MTAP: variants seen among roughly 807,000 people sequenced by gnomAD.
The protein encoded by MTAP is S-methyl-5'-thioadenosine phosphorylase.
MTAP carries 33 observed loss-of-function variants against 33.6 expected under a neutral mutation model. The observed-to-expected ratio is 0.98, with a 90% CI of 0.74 to 1.31. The LOEUF (loss-of-function observed/expected upper bound fraction) is 1.31. Ranked by LOEUF, MTAP falls within the 40% of genes most tolerant of loss-of-function variation. MTAP has a pLI of 0.00. For synonymous variants in MTAP, 148 were observed against 125.7 expected (o/e 1.18, Z -1.19); for missense variants, 367 against 360.0 (o/e 1.02, Z -0.16).
chr9:21,805,475 G>GT lies in MTAP; in HGVS notation c.33+2695dup, dbSNP rs1824185707. Among the ~76,000 whole-genome samples, 9 of 152,354 alleles carry GT rather than the reference G, an allele frequency of 5.9e-5. No homozygotes were observed. The South Asian group carries it at 1.4e-3, about 25-fold the overall frequency. On this transcript the variant is annotated intron_variant, in intron 1 of 7. Transcript: ENST00000644715. ...CAACTGACATGAAAGTGAAACAGCAGTAAGATTCCATTGGGTGAGGGGTGT... is the reference window on the plus strand; with the variant it reads ...CAACTGACATGAAAGTGAAACAGCAGTTAAGATTCCATTGGGTGAGGGGTGT...
At chr9:21,875,032 A>G (rs925857310) in intron 1 of MTAP, among the ~76,000 whole-genome samples, 5 of 152,152 alleles carry the variant, frequency 3.3e-5, no homozygotes, top group African/African-American at 1.2e-4. Context: ...GCTGCATGGT[A>G]TTCCATGGTG....
chr9:21,840,089 G>T (rs572970166), intron 5 of MTAP, among the ~76,000 whole-genome samples: 1 of 152,222 alleles, frequency 6.6e-6, no homozygotes, highest in East Asian at 1.9e-4. Flanking sequence ...AGCCAGGCAT[G>T]GTGGCAGGCA....
At chr9:21,889,901 A>G (rs976278696) in intron 1 of MTAP, among the ~76,000 whole-genome samples, 6 of 152,198 alleles carry the variant, frequency 3.9e-5, no homozygotes, top group African/African-American at 1.4e-4. Flanking sequence ...ACCTTTAGCC[A>G]GAAGGTGGCT....
At position 21,802,862 on chromosome 9, in the gene MTAP, G is replaced by C. The variant is rs751896371; in HGVS notation, c.33+81G>C. On this transcript the variant is annotated intron_variant, in intron 1 of 7. Coordinates refer to ENST00000644715, the MANE Select transcript of MTAP (RefSeq NM_002451.4). ...CCGCGCCGGGGGACCGCGCCTCCGG[G>C]GGCCATGCGCCCGGCCCGTGCGTCC... 3.2e-6 allele frequency: 5 copies of C among 1,573,198 alleles called. No homozygotes were observed. In the African/African-American group the frequency reaches 4.1e-5, roughly 13 times the overall value.
intron 1 of MTAP, among the ~76,000 whole-genome samples, chr9:21,882,350 A>G (rs898571106): frequency 6.6e-6 from 1 of 152,046 alleles, no homozygotes; most frequent in African/African-American, 2.4e-5. Context: ...GTTTTGCTAC[A>G]ACCTTTAAAA....
intron 4 of MTAP, among the ~76,000 whole-genome samples, chr9:21,824,716 A>T (rs1824741706): frequency 6.6e-6 from 1 of 152,194 alleles, no homozygotes; most frequent in Non-Finnish European, 1.5e-5. Flanking sequence ...CTACAGAGGC[A>T]GGCAGGCCTC....
intron 6 of MTAP, among the ~76,000 whole-genome samples, chr9:21,858,068 A>G (rs1461119776): frequency 2.0e-5 from 3 of 152,182 alleles, no homozygotes; most frequent in Non-Finnish European, 2.9e-5. Context: ...TCGGTTTGTG[A>G]TGTTAGCAGC....
At chr9:21,879,308 C>G (rs546472376) in intron 1 of MTAP, among the ~76,000 whole-genome samples, 1 of 151,952 alleles carries the variant, frequency 6.6e-6, no homozygotes, top group African/African-American at 2.4e-5. Context: ...TATATAATGC[C>G]CTTCTTTATC....
At chr9:21,855,010 TCC>T (rs1283832928) in intron 6 of MTAP, 140 bp downstream of exon 6, 1 of 1,178,336 alleles carries the variant, frequency 8.5e-7, no homozygotes, top group Non-Finnish European at 1.2e-6. Flanking sequence ...TTTCTGTAGT[TCC>T]ATTGGAAGGT....
intron 1 of MTAP, among the ~76,000 whole-genome samples, chr9:21,898,768 C>A (rs1474606881): frequency 6.6e-6 from 1 of 152,150 alleles, no homozygotes; most frequent in Non-Finnish European, 1.5e-5. Flanking sequence ...AATAGGAACA[C>A]TTTTACACTG....
chr9:21,870,311 A>G (rs557979347), downstream of MTAP, among the ~76,000 whole-genome samples: 134 of 152,308 alleles, frequency 8.8e-4, no homozygotes, highest in African/African-American at 3.1e-3. Flanking sequence ...ATTGTTTTGT[A>G]ACTCCCAACA....
intron 7 of MTAP, chr9:21,861,721 A>G: frequency 2.0e-6 from 1 of 504,994 alleles, no homozygotes; most frequent in Non-Finnish European, 3.5e-6. Context: ...ATAAGTGATT[A>G]TCAGAACAAT....
chr9:21,939,675 C>T (rs192901762), downstream of MTAP, among the ~76,000 whole-genome samples: 4 of 150,782 alleles, frequency 2.7e-5, no homozygotes, highest in Non-Finnish European at 4.4e-5. Flanking sequence ...ACCAGCATGG[C>T]CAACATGGTG....
intron 1 of MTAP, among the ~76,000 whole-genome samples, chr9:21,872,799 T>C (rs1214602726): frequency 6.6e-6 from 1 of 152,120 alleles, no homozygotes; most frequent in Non-Finnish European, 1.5e-5. Flanking sequence ...TGTAGACAGA[T>C]CAGACCTTTC....
intron 1 of MTAP, among the ~76,000 whole-genome samples, chr9:21,891,913 G>C (rs1196743994): frequency 6.6e-6 from 1 of 152,150 alleles, no homozygotes; most frequent in Non-Finnish European, 1.5e-5. Context: ...CCCCCATCAG[G>C]CTAACAATGG....
chr9:21,848,663 C>A (rs1299182178), intron 5 of MTAP, among the ~76,000 whole-genome samples: 1 of 152,074 alleles, frequency 6.6e-6, no homozygotes, highest in East Asian at 1.9e-4. Flanking sequence ...CCCTGCTGGT[C>A]CAGAAAATAT....
intron 1 of MTAP, 53 bp downstream of exon 1, chr9:21,802,834 C>T (rs1317049872): frequency 8.1e-6 from 13 of 1,605,844 alleles, no homozygotes; most frequent in Non-Finnish European, 1.1e-5. Context: ...TGCCTTCTCG[C>T]CCCCGCGCCG....
At chr9:21,861,903 GT>G (rs11356405) in intron 7 of MTAP, 72 bp from the exon 8 acceptor site, 19,752 of 716,232 alleles carry the variant, frequency 0.028, 283 homozygotes, top group African/African-American at 0.093. Context: ...ATCAAAATCT[GT>G]TTTTTTTTTT....
chr9:21,844,632 A>G (rs983888157), intron 5 of MTAP, among the ~76,000 whole-genome samples: 4 of 152,230 alleles, frequency 2.6e-5, no homozygotes, highest in African/African-American at 9.6e-5. Flanking sequence ...CAAAAATCAC[A>G]TGGTCATCTC....
Sources: gnomAD v4.1 joint callset for allele counts (sites outside exome capture counted in the v4.1 genomes callset) on GRCh38, gnomAD v4.1.1 for gene constraint, MANE v1.5 for transcripts, NCBI Gene and HGNC (gene_info 2026-07-23, HGNC 2026-07-21) for gene names.